TP53INP2: variants seen among roughly 807,000 people sequenced by gnomAD.
The protein encoded by TP53INP2 is tumor protein p53-inducible nuclear protein 2.
In TP53INP2, 12 loss-of-function variants were observed where a neutral mutation model predicts 17.1. That is an observed-to-expected ratio of 0.70 (90% CI 0.45 to 1.14). The LOEUF (loss-of-function observed/expected upper bound fraction) is 1.14, where lower values mean the gene tolerates loss of function less well. Among genes scored for constraint, TP53INP2 ranks in the 50% most tolerant of loss-of-function variants. The probability of loss-of-function intolerance (pLI) is 0.00; values close to 1 mark genes in which losing one functional copy is unlikely to be tolerated. For missense variants in TP53INP2, 342 were observed against 330.9 expected (o/e 1.03, Z -0.26); for synonymous variants, 145 against 147.3 (o/e 0.98, Z 0.12).
rs1018738999 is a variant in TP53INP2 at position 34,713,311 on chromosome 20, C to G, written c.*3004C>G. 6.6e-6 allele frequency: 1 copy of G among 152,660 alleles called. No individual in the cohort carries two copies. Among genetic ancestry groups the G allele is most frequent in the African/African-American group, 2.4e-5 (1 of 41,446 alleles). The allele number at this position is 152,660 out of a possible 1,614,324, so 9.5% of individuals were successfully genotyped here. On this transcript the variant is annotated 3_prime_UTR_variant, in exon 5 of 5. Transcript: ENST00000374810. ...AGACTCAAGGAGACAACCACCTCAA[C>G]TGGGTCATGTGGCATGCCTGTGTAT...
chr20:34,708,559 A>G (rs1988053114), intron 2 of TP53INP2, 132 bp from the exon 3 acceptor site: 1 of 501,374 alleles, frequency 2.0e-6, no homozygotes, highest in Admixed American at 3.9e-5. Context: ...ATCTTCCCAA[A>G]GCGTCCGCAC....
chr20:34,709,129 C>A lies in TP53INP2; in HGVS notation c.125-107C>A. ...GCGGACGGGCTGCGGGTCTGACTAA[C>A]GATGCCCTTTCTCTCCCCGCCCCCT... On this transcript the variant is annotated intron_variant, in intron 3 of 4. Transcript: ENST00000374810. This position sits in a 1 kb window ranked among gnomAD's most constrained non-coding sequence, Gnocchi z 5.4. The A allele has an allele frequency of 6.9e-7, 1 of 1,451,696 alleles. No individual in the cohort carries two copies. Among genetic ancestry groups the A allele is most frequent in the Non-Finnish European group, 9.0e-7 (1 of 1,105,742 alleles). The allele number at this position is 1,451,696 out of a possible 1,614,324, so 89.9% of individuals were successfully genotyped here. A position where few individuals can be genotyped will look rare whatever the true frequency, so the allele number is the denominator to read the frequency against.
rs377101030 is a variant in TP53INP2, at chr20:34,709,487, C to G, written c.376C>G (p.Pro126Ala). 2 of 1,611,690 alleles carry G rather than the reference C, an allele frequency of 1.2e-6. No homozygotes were observed. The highest frequency in any genetic ancestry group is 2.7e-5 in the African/African-American group (2 of 74,930). Residue 126 changes from proline (P) to alanine (A), a missense_variant, in exon 4 of 5, where the codon CCG (proline) becomes GCG (alanine). Coordinates refer to ENST00000374810, the MANE Select transcript of TP53INP2 (RefSeq NM_021202.3). The surrounding 1 kb of genome is among the most constrained non-coding windows in gnomAD (Gnocchi z 5.4). ...VLEPGSPSPLPDAALPDGDLS... is the reference protein window; with the variant it reads ...VLEPGSPSPLADAALPDGDLS... ...AGAGCCCGGGTCCCCTTCCCCGCTC[C>G]CGGACGCGGCCCTGCCTGACGGCGA...
At chr20:34,707,242 C>T (rs995987119) in intron 2 of TP53INP2, among the ~76,000 whole-genome samples, 5 of 152,176 alleles carry the variant, frequency 3.3e-5, no homozygotes, top group African/African-American at 9.7e-5. Context: ...CTGGATGCTG[C>T]CCTTGAACAG....
rs1321198925 is a variant in TP53INP2, at chr20:34,710,957, CTG to C, written c.*653_*654del. 6.6e-6 allele frequency: 1 copy of C among 152,604 alleles called. No individual in the cohort carries two copies. Among genetic ancestry groups the C allele is most frequent in the African/African-American group, 2.4e-5 (1 of 41,444 alleles). The allele number at this position is 152,604 out of a possible 1,614,324, so 9.5% of individuals were successfully genotyped here. ...GAAAGGTACAGTATGTAGAAGAGGA[CTG>C]TGAGACGTGAGTTAGAGGGAGAAGA... On this transcript the variant is annotated 3_prime_UTR_variant, in exon 5 of 5. Coordinates refer to ENST00000374810, the MANE Select transcript of TP53INP2 (RefSeq NM_021202.3). This position sits in a 1 kb window ranked among gnomAD's most constrained non-coding sequence, Gnocchi z 4.9.
chr20:34,709,344 G>T lies in TP53INP2; in HGVS notation c.233G>T (p.Cys78Phe). Residue 78 changes from cysteine (C) to phenylalanine (F), a missense_variant, in exon 4 of 5, where the codon TGT (cysteine) becomes TTT (phenylalanine). Physicochemically the swap from Cys to Phe is radical, Grantham distance 205. Coordinates refer to ENST00000374810, the MANE Select transcript of TP53INP2 (RefSeq NM_021202.3). The surrounding 1 kb of genome is among the most constrained non-coding windows in gnomAD (Gnocchi z 5.4). ...DESWFVTPPA[C>F]FTAEGPGLGP... ...AGCTGGTTTGTTACCCCTCCCGCCT[G>T]TTTTACGGCAGAGGGGCCTGGACTC... The T allele has an allele frequency of 6.2e-7, 1 of 1,613,646 alleles. No homozygotes were observed. Among genetic ancestry groups the T allele is most frequent in the Non-Finnish European group, 8.5e-7 (1 of 1,179,840 alleles).
rs367615735 is a variant in TP53INP2 at position 34,709,535 on chromosome 20, C to T, written c.413+11C>T. The T allele has an allele frequency of 1.6e-3, 2,532 of 1,600,512 alleles. 4 individuals carry two copies. Among genetic ancestry groups the T allele is most frequent in the Non-Finnish European group, 1.7e-3 (1,990 of 1,177,862 alleles). ...CGACCTCAGCGAAGGGTGAGCGGGC[C>T]GGGGGCGGAGCCTGGAGGCCCAGGG... On this transcript the variant is annotated intron_variant, in intron 4 of 4. Coordinates refer to ENST00000374810, the MANE Select transcript of TP53INP2 (RefSeq NM_021202.3). This position sits in a 1 kb window ranked among gnomAD's most constrained non-coding sequence, Gnocchi z 5.4.
intron 1 of TP53INP2, among the ~76,000 whole-genome samples, chr20:34,704,985 G>A (rs1398228673): frequency 6.6e-6 from 1 of 152,026 alleles, no homozygotes; most frequent in East Asian, 1.9e-4. Context: ...CCAGATGGTG[G>A]TGGGATCCCC....
rs761345625 is a variant in TP53INP2, at chr20:34,709,290, C to T, written c.179C>T (p.Pro60Leu). The change falls in exon 4 of 5, where the codon CCT (proline) becomes CTT (leucine). Residue 60 changes from proline (P) to leucine (L), a missense_variant. Coordinates refer to ENST00000374810, the MANE Select transcript of TP53INP2 (RefSeq NM_021202.3). This position sits in a 1 kb window ranked among gnomAD's most constrained non-coding sequence, Gnocchi z 5.4. Reference sequence around the variant, plus strand: ...GCCGCCCCTGCCCCCGCGGGCCGCCCTCCGCCCGCGCCCTCCTTGATGGAC... The same window carrying T: ...GCCGCCCCTGCCCCCGCGGGCCGCCTTCCGCCCGCGCCCTCCTTGATGGAC... The part of the protein sequence containing the change: ...PGAAPAPAGR[P>L]PPAPSLMDES... 1.2e-6 allele frequency: 2 copies of T among 1,609,086 alleles called. No individual in the cohort carries two copies. Among genetic ancestry groups the T allele is most frequent in the Non-Finnish European group, 1.7e-6 (2 of 1,177,826 alleles).
chr20:34,710,084 C>T lies in TP53INP2; in HGVS notation c.440C>T (p.Pro147Leu). 3.9e-6 allele frequency: 5 copies of T among 1,276,402 alleles called. No homozygotes were observed. The highest frequency in any genetic ancestry group is 4.9e-6 in the Non-Finnish European group (5 of 1,015,104). 79.1% of individuals were successfully genotyped at this position (1,276,402 alleles called of 1,614,324 possible). ...EGELTPARRE[P>L]RAARHAAPLP... ...GAATTGACGCCCGCCCGCCGCGAGC[C>T]GCGGGCCGCGCGCCACGCCGCTCCT... The change falls in exon 5 of 5, where the codon CCG becomes CTG. Residue 147 changes from proline to leucine, a missense_variant. Transcript: ENST00000374810. The surrounding 1 kb of genome is among the most constrained non-coding windows in gnomAD (Gnocchi z 4.9).
rs1988162361 is a variant in TP53INP2 at position 34,710,552 on chromosome 20, T to G, written c.*245T>G. 5.4e-6 allele frequency: 2 copies of G among 369,882 alleles called. No homozygotes were observed. Among genetic ancestry groups the G allele is most frequent in the Admixed American group, 9.4e-5 (2 of 21,236 alleles). The allele number at this position is 369,882 out of a possible 1,614,324, so 22.9% of individuals were successfully genotyped here. ...TCTAATCATCCATGCCCCCTACTCCTGGCCCCTCCATCCTTTCTTCTCTGG... is the reference window on the plus strand; with the variant it reads ...TCTAATCATCCATGCCCCCTACTCCGGGCCCCTCCATCCTTTCTTCTCTGG... On this transcript the variant is annotated 3_prime_UTR_variant, in exon 5 of 5. Coordinates refer to ENST00000374810, the MANE Select transcript of TP53INP2 (RefSeq NM_021202.3). This position sits in a 1 kb window ranked among gnomAD's most constrained non-coding sequence, Gnocchi z 4.9.
At chr20:34,708,442 C>A (rs1988050220) in intron 2 of TP53INP2, among the ~76,000 whole-genome samples, 1 of 152,070 alleles carries the variant, frequency 6.6e-6, no homozygotes, top group South Asian at 2.1e-4. Flanking sequence ...GTACTATTAT[C>A]ATTGTCTTTT....
rs948240564 is a variant in TP53INP2 at position 34,710,466 on chromosome 20, C to G, written c.*159C>G. On this transcript the variant is annotated 3_prime_UTR_variant, in exon 5 of 5. Coordinates refer to ENST00000374810, the MANE Select transcript of TP53INP2 (RefSeq NM_021202.3). This position sits in a 1 kb window ranked among gnomAD's most constrained non-coding sequence, Gnocchi z 4.9. ...ACCCTCAATTTCCCCATCTCTGATC[C>G]TCTAATCTGCCTCTGAACCCATTCA... 2 of 803,950 alleles carry G rather than the reference C, an allele frequency of 2.5e-6. No homozygotes were observed. Among genetic ancestry groups the G allele is most frequent in the Non-Finnish European group, 3.4e-6 (2 of 594,222 alleles). The allele number at this position is 803,950 out of a possible 1,614,324, so 49.8% of individuals were successfully genotyped here. A position where few individuals can be genotyped will look rare whatever the true frequency, so the allele number is the denominator to read the frequency against.
At position 34,710,298 on chromosome 20, in the gene TP53INP2, C is replaced by G. The variant is rs2146829234; in HGVS notation, c.654C>G (p.Phe218Leu). The G allele has an allele frequency of 7.2e-7, 1 of 1,393,908 alleles. No individual in the cohort carries two copies. The highest frequency in any genetic ancestry group is 2.7e-5 in the East Asian group (1 of 36,378). 86.3% of individuals were successfully genotyped at this position (1,393,908 alleles called of 1,614,324 possible). Residue 218 changes from phenylalanine to leucine, a missense_variant, in exon 5 of 5, where the codon TTC becomes TTG. Phe to Leu is a conservative substitution (Grantham distance 22, BLOSUM62 0). Transcript: ENST00000374810. The surrounding 1 kb of genome is among the most constrained non-coding windows in gnomAD (Gnocchi z 4.9). ...TCTACCAGCCGTGCCAGCGCCAGTT[C>G]AACTACTGAGCGTCCACCGGCCGCG... ...SFIYQPCQRQ[F>L]NY
In TP53INP2 at chr20:34,710,613, C is replaced by T. The variant is rs1988164434; in HGVS notation, c.*306C>T. The T allele has an allele frequency of 3.5e-6, 1 of 285,198 alleles. No homozygotes were observed. The highest frequency in any genetic ancestry group is 6.5e-6 in the Non-Finnish European group (1 of 153,676). 17.7% of individuals were successfully genotyped at this position (285,198 alleles called of 1,614,324 possible). On this transcript the variant is annotated 3_prime_UTR_variant, in exon 5 of 5. Transcript: ENST00000374810. This position sits in a 1 kb window ranked among gnomAD's most constrained non-coding sequence, Gnocchi z 4.9. ...TGTCTCTCCCTTTCACCCTTGCCCT[C>T]CAGTCCTCTACCTCTGGCCTGCCCC...
Position 34,710,364 on chromosome 20 carries a change from C to T in TP53INP2, c.*57C>T, listed in dbSNP as rs2146829369. 1.6e-6 allele frequency: 2 copies of T among 1,273,870 alleles called. No individual in the cohort carries two copies. Among genetic ancestry groups the T allele is most frequent in the South Asian group, 6.0e-5 (2 of 33,058 alleles). 78.9% of individuals were successfully genotyped at this position (1,273,870 alleles called of 1,614,324 possible). On this transcript the variant is annotated 3_prime_UTR_variant, in exon 5 of 5. Coordinates refer to ENST00000374810, the MANE Select transcript of TP53INP2 (RefSeq NM_021202.3). This position sits in a 1 kb window ranked among gnomAD's most constrained non-coding sequence, Gnocchi z 4.9. The stretch of plus-strand genomic sequence containing the variant: ...CGATCCCGATCCCTGTCGGGCTCCT[C>T]CGACTCCTCGGGCTGGACACCGAAA...
chr20:34,706,682 A>G (rs370959830), intron 2 of TP53INP2, among the ~76,000 whole-genome samples: 7 of 152,346 alleles, frequency 4.6e-5, no homozygotes, highest in East Asian at 3.9e-4. Context: ...AAATATTCTC[A>G]GGGTATGGAA....
chr20:34,713,350 T>C lies in TP53INP2; in HGVS notation c.*3043T>C, dbSNP rs1405509414. ...ATGCCTGTGTATGTGTGTAACAGAA[T>C]TCTGATTGTTAGACTGTAATGCTAT... On this transcript the variant is annotated 3_prime_UTR_variant, in exon 5 of 5. Coordinates refer to ENST00000374810, the MANE Select transcript of TP53INP2 (RefSeq NM_021202.3). The C allele has an allele frequency of 6.6e-6, 1 of 152,638 alleles. No homozygotes were observed. The highest frequency in any genetic ancestry group is 2.4e-5 in the African/African-American group (1 of 41,440). The allele number at this position is 152,638 out of a possible 1,614,324, so 9.5% of individuals were successfully genotyped here.
chr20:34,709,997 C>A lies in TP53INP2; in HGVS notation c.414-61C>A. The A allele has an allele frequency of 1.7e-6, 2 of 1,151,918 alleles. No homozygotes were observed. The highest frequency in any genetic ancestry group is 2.1e-6 in the Non-Finnish European group (2 of 947,572). The allele number at this position is 1,151,918 out of a possible 1,614,324, so 71.4% of individuals were successfully genotyped here. A position where few individuals can be genotyped will look rare whatever the true frequency, so the allele number is the denominator to read the frequency against. On this transcript the variant is annotated intron_variant, in intron 4 of 4. Transcript: ENST00000374810. This position sits in a 1 kb window ranked among gnomAD's most constrained non-coding sequence, Gnocchi z 5.4. Reference sequence around the variant, plus strand: ...CCGAAGCAAGGGTGGGAGATGGCAGCGCCCTCTAGACCCCCCGCCCAGCTT... The same window carrying A: ...CCGAAGCAAGGGTGGGAGATGGCAGAGCCCTCTAGACCCCCCGCCCAGCTT...
Sources: allele counts gnomAD v4.1 joint callset (sites outside exome capture counted in the v4.1 genomes callset), GRCh38; gene constraint gnomAD v4.1.1; non-coding constraint Gnocchi (gnomAD v3.1); transcripts MANE v1.5; gene names NCBI Gene and HGNC (gene_info 2026-07-23, HGNC 2026-07-21).